Variants in WWC1 observed in about 807,000 individuals in gnomAD.
WWC1 encodes WW and C2 domain containing 1.
WWC1 carries 55 observed loss-of-function variants against 138.4 expected under a neutral mutation model. The ratio of observed to expected loss-of-function variants is 0.40; its 90% CI spans 0.32 to 0.50. The LOEUF is 0.50. Ranked by LOEUF, WWC1 falls within the 20% of genes least tolerant of loss-of-function variation. The pLI, the probability that WWC1 is intolerant of heterozygous loss-of-function variation, is 0.72. For synonymous variants in WWC1, 524 were observed against 564.9 expected (o/e 0.93, Z 1.03); for missense variants, 1,226 against 1,420.4 (o/e 0.86, Z 2.20).
At chr5:168,444,641 C>G in intron 17 of WWC1, 56 bp downstream of exon 17, 1 of 1,577,416 alleles carries the variant, frequency 6.3e-7, no homozygotes, top group Non-Finnish European at 8.7e-7. Flanking sequence ...CTAGGCCCAG[C>G]AATGAGATCC....
intron 6 of WWC1, 102 bp from the exon 7 acceptor site, chr5:168,408,404 TC>T: frequency 7.3e-7 from 1 of 1,375,434 alleles, no homozygotes; most frequent in Non-Finnish European, 1.0e-6. Flanking sequence ...GGGCACAGGT[TC>T]CTAAATTAAG....
intron 1 of WWC1, among the ~76,000 whole-genome samples, chr5:168,295,586 GAAGT>G (rs373641019): frequency 4.0e-5 from 6 of 151,518 alleles, no homozygotes; most frequent in African/African-American, 1.5e-4. Context: ...GAATTTAAAA[GAAGT>G]AAGTCAAATG....
chr5:168,312,913 A>G (rs1771245178), intron 1 of WWC1, among the ~76,000 whole-genome samples: 2 of 150,344 alleles, frequency 1.3e-5, no homozygotes, highest in Admixed American at 1.3e-4. Context: ...GACTCAAGTA[A>G]TTCTCCTGTC....
In WWC1 at chr5:168,469,573, T is replaced by G. The variant is rs1363475594; in HGVS notation, c.*556T>G. 2.6e-5 allele frequency: 4 copies of G among 154,130 alleles called. No individual in the cohort carries two copies. The highest frequency in any genetic ancestry group is 4.8e-5 in the African/African-American group (2 of 41,424). The allele number at this position is 154,130 out of a possible 1,614,324, so 9.5% of individuals were successfully genotyped here. On this transcript the variant is annotated 3_prime_UTR_variant, in exon 23 of 23. Transcript: ENST00000265293. ...GATCTTCTTGAGCTGTGACGTGTTTTTATGTGGCTGCCCAACGTGGAGCGG... is the reference window on the plus strand; with the variant it reads ...GATCTTCTTGAGCTGTGACGTGTTTGTATGTGGCTGCCCAACGTGGAGCGG...
chr5:168,351,156 A>G (rs1774924269), intron 1 of WWC1, among the ~76,000 whole-genome samples: 1 of 151,958 alleles, frequency 6.6e-6, no homozygotes, highest in Non-Finnish European at 1.5e-5. Context: ...AAAAAAAAAA[A>G]AAAAATCCCA....
intron 3 of WWC1, among the ~76,000 whole-genome samples, chr5:168,394,830 C>T (rs1274966759): frequency 2.0e-5 from 3 of 152,138 alleles, no homozygotes; most frequent in African/African-American, 7.2e-5. Flanking sequence ...ATTGCTTGAG[C>T]GTGTTTCTTT....
At chr5:168,407,636 C>T (rs1779898301) in intron 6 of WWC1, among the ~76,000 whole-genome samples, 1 of 152,190 alleles carries the variant, frequency 6.6e-6, no homozygotes, top group South Asian at 2.1e-4. Context: ...ATCATGGAGC[C>T]TTAAGCCAGA....
intron 1 of WWC1, among the ~76,000 whole-genome samples, chr5:168,326,287 G>A (rs11739072): frequency 5.5e-5 from 8 of 144,252 alleles, no homozygotes; most frequent in African/African-American, 1.6e-4. Flanking sequence ...GCGTGATCTC[G>A]GCTCACCGCA....
At chr5:168,406,049 C>A in intron 5 of WWC1, 149 bp from the exon 6 acceptor site, 1 of 1,030,676 alleles carries the variant, frequency 9.7e-7, no homozygotes. Context: ...TGCCTTATCC[C>A]ACAAGTGGGA....
chr5:168,397,109 G>T (rs1215393710), intron 3 of WWC1, among the ~76,000 whole-genome samples: 1 of 150,094 alleles, frequency 6.7e-6, no homozygotes, highest in East Asian at 1.9e-4. Flanking sequence ...ATATGTGTGT[G>T]TATATTTGGA....
chr5:168,332,704 C>T (rs915532361), intron 1 of WWC1, among the ~76,000 whole-genome samples: 7 of 150,160 alleles, frequency 4.7e-5, no homozygotes, highest in African/African-American at 1.7e-4. Flanking sequence ...TTGGTTTTTT[C>T]TTTTTCTTTT....
intron 2 of WWC1, among the ~76,000 whole-genome samples, chr5:168,382,118 G>A (rs1394683880): frequency 6.6e-6 from 1 of 152,096 alleles, no homozygotes; most frequent in Non-Finnish European, 1.5e-5. Context: ...TCCCATCGAG[G>A]TCTGGTTAAA....
Position 168,375,380 on chromosome 5 carries a change from G to C in WWC1, c.229+3847G>C, listed in dbSNP as rs73390782. Among the ~76,000 whole-genome samples the C allele has an allele frequency of 8.6e-3, 1,311 of 152,162 alleles. 20 individuals carry two copies. Among genetic ancestry groups the C allele is most frequent in the African/African-American group, 0.028 (1,180 of 41,542 alleles). On this transcript the variant is annotated intron_variant, in intron 2 of 22. Coordinates refer to ENST00000265293, the MANE Select transcript of WWC1 (RefSeq NM_015238.3). Reference sequence around the variant, plus strand: ...CAGAGAATTGCCGACAGTGTCGAAGGCTTCTGACAGGGCAAATACAAAGAG... The same window carrying C: ...CAGAGAATTGCCGACAGTGTCGAAGCCTTCTGACAGGGCAAATACAAAGAG...
At chr5:168,303,813 C>T (rs945697614) in intron 1 of WWC1, among the ~76,000 whole-genome samples, 4 of 152,106 alleles carry the variant, frequency 2.6e-5, no homozygotes, top group African/African-American at 9.7e-5. Flanking sequence ...TCCCTGGGCT[C>T]CTTCACCCCA....
intron 3 of WWC1, among the ~76,000 whole-genome samples, chr5:168,390,733 G>A (rs1778419441): frequency 6.6e-6 from 1 of 152,250 alleles, no homozygotes; most frequent in Admixed American, 6.5e-5. Flanking sequence ...GGCCTTGGCT[G>A]CTCTGGGTCC....
At chr5:168,415,545 G>C (rs1780541046) in intron 9 of WWC1, 1 of 152,108 alleles carries the variant, frequency 6.6e-6, no homozygotes, top group Non-Finnish European at 1.5e-5. Flanking sequence ...AAGCTCTCCA[G>C]CTTCATGTTC....
intron 6 of WWC1, 112 bp from the exon 7 acceptor site, chr5:168,408,395 G>A (rs535824652): frequency 9.7e-5 from 124 of 1,276,394 alleles, no homozygotes; most frequent in Non-Finnish European, 1.2e-4. Context: ...ATCTGGGGAG[G>A]GCACAGGTTC....
At chr5:168,305,719 GA>G (rs1182940555) in intron 1 of WWC1, among the ~76,000 whole-genome samples, 1 of 152,116 alleles carries the variant, frequency 6.6e-6, no homozygotes, top group Non-Finnish European at 1.5e-5. Context: ...GGAACAAAAG[GA>G]ACAGTTAGTG....
At chr5:168,435,682 G>A (rs1782293778) in intron 15 of WWC1, among the ~76,000 whole-genome samples, 1 of 152,140 alleles carries the variant, frequency 6.6e-6, no homozygotes, top group Non-Finnish European at 1.5e-5. Flanking sequence ...AAGGGCTGGG[G>A]TTTACAGGCG....
Sources: allele counts gnomAD v4.1 joint callset (sites outside exome capture counted in the v4.1 genomes callset), GRCh38; gene constraint gnomAD v4.1.1; transcripts MANE v1.5; gene names NCBI Gene and HGNC (gene_info 2026-07-23, HGNC 2026-07-21).